ZNF608: variants seen among roughly 807,000 people sequenced by gnomAD.
The protein encoded by ZNF608 is renal carcinoma antigen NY-REN-36.
Under a neutral mutation model 109.0 loss-of-function variants are expected in ZNF608, and 12 were observed. The observed-to-expected ratio is 0.11, with a 90% CI of 0.07 to 0.18. The LOEUF is 0.18. Among genes scored for constraint, ZNF608 ranks in the 10% least tolerant of loss-of-function variants. The pLI is 1.00. For missense variants in ZNF608, 1,707 were observed against 1,879.3 expected (o/e 0.91, Z 1.70); for synonymous variants, 732 against 717.4 (o/e 1.02, Z -0.33).
intron 2 of ZNF608, among the ~76,000 whole-genome samples, chr5:124,705,890 C>T (rs886387511): frequency 1.3e-5 from 2 of 152,188 alleles, no homozygotes; most frequent in Non-Finnish European, 2.9e-5. Flanking sequence ...GTCAGCTCAC[C>T]TCAACTCTTA....
At position 124,686,095 on chromosome 5, in the gene ZNF608, G is replaced by A. The variant is rs549070686; in HGVS notation, c.1162+14919C>T. On this transcript the variant is annotated intron_variant, in intron 3 of 9. Transcript: ENST00000513986. ...AATATAAAGGGAGATTTCCTAGAGG[G>A]TGTATACTTCAGGGATTCTCTAGTA... Among the ~76,000 whole-genome samples, 4 of 152,280 alleles carry A rather than the reference G, an allele frequency of 2.6e-5. No homozygotes were observed. The South Asian group carries it at 8.3e-4, about 32-fold the overall frequency.
intron 5 of ZNF608, 145 bp downstream of exon 5, chr5:124,646,534 T>A: frequency 1.0e-6 from 1 of 970,404 alleles, no homozygotes. Flanking sequence ...CTCCTGAGAA[T>A]CTTAAGATAT....
Position 124,650,493 on chromosome 5 carries a change from C to A in ZNF608, c.1163-796G>T, listed in dbSNP as rs1446599414. Among the ~76,000 whole-genome samples, 4 of 152,346 alleles carry A rather than the reference C, an allele frequency of 2.6e-5. No individual in the cohort carries two copies. The East Asian group carries it at 7.7e-4, about 29-fold the overall frequency. On this transcript the variant is annotated intron_variant, in intron 3 of 9. Coordinates refer to ENST00000513986, the MANE Select transcript of ZNF608 (RefSeq NM_020747.3). ...TCAAAACTAACACACTCGTTTCCTG[C>A]AAGCCATTCTGCTTTTTCCAACTGC... is the stretch of plus-strand genomic sequence containing the variant.
chr5:124,715,535 T>C (rs2149872291), intron 2 of ZNF608, among the ~76,000 whole-genome samples: 1 of 152,322 alleles, frequency 6.6e-6, no homozygotes, highest in East Asian at 1.9e-4. Context: ...CTAGACTACA[T>C]TTAAATCAAG....
Position 124,637,295 on chromosome 5 carries a change from A to G in ZNF608, c.*605T>C, listed in dbSNP as rs1476269534. 1 of 152,596 alleles carries G rather than the reference A, an allele frequency of 6.6e-6. No homozygotes were observed. Among genetic ancestry groups the G allele is most frequent in the Non-Finnish European group, 1.5e-5 (1 of 68,034 alleles). 9.5% of individuals were successfully genotyped at this position (152,596 alleles called of 1,614,324 possible). On this transcript the variant is annotated 3_prime_UTR_variant, in exon 10 of 10. Coordinates refer to ENST00000513986, the MANE Select transcript of ZNF608 (RefSeq NM_020747.3). ...GGTACTGGCAACCCCATGCCTTCCA[A>G]AAGTACTTTTTCCACAATACACAAG...
At chr5:124,668,720 C>T (rs998110544) in intron 3 of ZNF608, among the ~76,000 whole-genome samples, 7 of 152,158 alleles carry the variant, frequency 4.6e-5, no homozygotes, top group Admixed American at 1.3e-4. Flanking sequence ...GGAGGCCTGA[C>T]CCACGCCCAG....
chr5:124,652,652 T>C (rs1452379152), intron 3 of ZNF608, among the ~76,000 whole-genome samples: 1 of 152,234 alleles, frequency 6.6e-6, no homozygotes, highest in East Asian at 1.9e-4. Context: ...AGAAGGTCTA[T>C]GTTTAGACAA....
chr5:124,735,506 C>A (rs188570033), intron 2 of ZNF608, among the ~76,000 whole-genome samples: 22 of 152,282 alleles, frequency 1.4e-4, no homozygotes, highest in African/African-American at 5.3e-4. Flanking sequence ...GAAACCAGTG[C>A]GACTGATAAG....
At chr5:124,689,478 A>G (rs1293281237) in intron 3 of ZNF608, among the ~76,000 whole-genome samples, 67 of 144,108 alleles carry the variant, frequency 4.6e-4, no homozygotes, top group Non-Finnish European at 8.0e-4. Flanking sequence ...AAAAAAAAAA[A>G]AGAGAGAGAC....
At chr5:124,651,438 G>A (rs971470013) in intron 3 of ZNF608, among the ~76,000 whole-genome samples, 4 of 152,204 alleles carry the variant, frequency 2.6e-5, no homozygotes, top group African/African-American at 9.6e-5. Flanking sequence ...TCTTTAGCAT[G>A]TCAGCTATAT....
chr5:124,654,365 G>A (rs899721822), intron 3 of ZNF608, among the ~76,000 whole-genome samples: 32 of 152,128 alleles, frequency 2.1e-4, no homozygotes, highest in African/African-American at 7.5e-4. Flanking sequence ...TTCTTCAACC[G>A]TTCTTCATGT....
At position 124,647,589 on chromosome 5, in the gene ZNF608, G is replaced by A. The variant is rs1198573772; in HGVS notation, c.2795C>T (p.Ala932Val). ...TGAATAGGCCGGGCTGCTTGTCTTTGCAGCTGAACTCTCTGCCCCATTCTG... is the reference window on the plus strand; with the variant it reads ...TGAATAGGCCGGGCTGCTTGTCTTTACAGCTGAACTCTCTGCCCCATTCTG... ...LTQNGAESSA[A>V]KTSSPAYSDI... Residue 932 changes from alanine (A) to valine (V), a missense_variant, in exon 5 of 10, where the codon GCA becomes GTA. Around this residue, in one of 7 missense-constraint regions of ZNF608, gnomAD observed 1,073 missense variants for 1,133.5 expected, o/e 0.95. Coordinates refer to ENST00000513986, the MANE Select transcript of ZNF608 (RefSeq NM_020747.3). 6.2e-7 allele frequency: 1 copy of A among 1,614,080 alleles called. No individual in the cohort carries two copies.
intron 2 of ZNF608, among the ~76,000 whole-genome samples, chr5:124,740,058 C>G (rs1353055124): frequency 6.6e-6 from 1 of 152,194 alleles, no homozygotes; most frequent in Non-Finnish European, 1.5e-5. Flanking sequence ...CTCCCCCCAC[C>G]GTTTTTTACA....
intron 3 of ZNF608, among the ~76,000 whole-genome samples, chr5:124,695,982 G>A (rs1355884740): frequency 6.6e-6 from 1 of 152,132 alleles, no homozygotes; most frequent in South Asian, 2.1e-4. Context: ...TCAGGAGTTC[G>A]AGACCAGCCT....
At chr5:124,694,215 G>C (rs557715921) in intron 3 of ZNF608, among the ~76,000 whole-genome samples, 1 of 134,136 alleles carries the variant, frequency 7.5e-6, no homozygotes, top group Non-Finnish European at 1.5e-5. Flanking sequence ...AGATGGTCTC[G>C]ATCTCCTGAC....
intron 3 of ZNF608, among the ~76,000 whole-genome samples, chr5:124,651,331 G>A (rs902874850): frequency 6.6e-6 from 1 of 152,166 alleles, no homozygotes; most frequent in Non-Finnish European, 1.5e-5. Context: ...GGAGGGGGTG[G>A]GAGAGGAGGC....
Position 124,644,383 on chromosome 5 carries a change from T to G in ZNF608, c.3984A>C (p.Thr1328=). 1 of 1,614,168 alleles carries G rather than the reference T, an allele frequency of 6.2e-7. No individual in the cohort carries two copies. Among genetic ancestry groups the G allele is most frequent in the Non-Finnish European group, 8.5e-7 (1 of 1,180,032 alleles). ...TCATGGGTGAGGAGACAGCCACTCT[T>G]GTTCCCCGAGAGTCCTTCCAGTTCA... The part of the protein sequence containing the change: ...TPVNWKDSRG[T]RVAVSSPMSQ... The change falls in exon 6 of 10, where the codon ACA becomes ACC. Residue 1328 remains threonine (T), a synonymous_variant. Coordinates refer to ENST00000513986, the MANE Select transcript of ZNF608 (RefSeq NM_020747.3).
In ZNF608 at chr5:124,743,972, C is replaced by G; in HGVS notation, c.906+112G>C. ...TAAAGGATGCATATCATAGAAATCT[C>G]ACAAAGAACCAGAAAGCATAAAGTG... On this transcript the variant is annotated intron_variant, in intron 2 of 9. Transcript: ENST00000513986. The G allele has an allele frequency of 2.1e-6, 3 of 1,442,120 alleles. No individual in the cohort carries two copies. The South Asian group carries it at 4.4e-5, about 21-fold the overall frequency. 89.3% of individuals were successfully genotyped at this position (1,442,120 alleles called of 1,614,324 possible).
At chr5:124,705,044 A>G (rs1753203633) in intron 2 of ZNF608, among the ~76,000 whole-genome samples, 1 of 152,194 alleles carries the variant, frequency 6.6e-6, no homozygotes, top group Non-Finnish European at 1.5e-5. Flanking sequence ...TCTCTTGTGT[A>G]TCTCAGTGTC....
Sources: gnomAD v4.1 joint callset for allele counts (sites outside exome capture counted in the v4.1 genomes callset) on GRCh38, gnomAD v4.1.1 for gene constraint, gnomAD v4.1.1 regional missense constraint, MANE v1.5 for transcripts, NCBI Gene and HGNC (gene_info 2026-07-23, HGNC 2026-07-21) for gene names.